Variants in BMAL1 observed in about 807,000 individuals in gnomAD.
BMAL1 encodes the protein basic helix-loop-helix ARNT-like protein 1.
At chr11:13,284,238 A>ATGTG in the BMAL1 span, among the ~76,000 whole-genome samples, 1 of 1,614 alleles carries the variant, frequency 6.2e-4, no homozygotes, top group African/African-American at 7.8e-4. Context: ...GTGTGTGTAT[A>ATGTG]TATATATATA....
the BMAL1 span, among the ~76,000 whole-genome samples, chr11:13,328,187 C>T: frequency 1.3e-5 from 2 of 151,960 alleles, no homozygotes; most frequent in Non-Finnish European, 2.9e-5. Flanking sequence ...TTTTTTGGCC[C>T]AAAACATCAG....
At chr11:13,292,373 CTCTACTAAA>C in the BMAL1 span, among the ~76,000 whole-genome samples, 26 of 151,570 alleles carry the variant, frequency 1.7e-4, 1 homozygote, top group African/African-American at 6.1e-4. Context: ...GAAACCCCGT[CTCTACTAAA>C]AATACAAAAA....
chr11:13,299,032 G>A, the BMAL1 span, among the ~76,000 whole-genome samples: 1 of 152,184 alleles, frequency 6.6e-6, no homozygotes, highest in African/African-American at 2.4e-5. Context: ...GCTTGCTGCT[G>A]GTGGCTGTGG....
the BMAL1 span, among the ~76,000 whole-genome samples, chr11:13,370,488 A>T: frequency 1.1e-4 from 16 of 152,308 alleles, no homozygotes; most frequent in African/African-American, 3.8e-4. Flanking sequence ...TCCAGCATAA[A>T]TGGCACTGCC....
chr11:13,359,809 T>C, the BMAL1 span, among the ~76,000 whole-genome samples: 9 of 152,356 alleles, frequency 5.9e-5, no homozygotes, highest in East Asian at 1.7e-3. Flanking sequence ...CTGCATTGAC[T>C]GAAGCAATGC....
chr11:13,311,131 A>G, the BMAL1 span, among the ~76,000 whole-genome samples: 2 of 152,254 alleles, frequency 1.3e-5, no homozygotes, highest in Non-Finnish European at 2.9e-5. Flanking sequence ...TAGCTGATGC[A>G]TCTGGTTTTA....
the BMAL1 span, among the ~76,000 whole-genome samples, chr11:13,348,817 G>A: frequency 1.7e-3 from 261 of 152,330 alleles, no homozygotes; most frequent in Non-Finnish European, 2.8e-3. Flanking sequence ...TTGGGAGGCT[G>A]GAAGCAGTTG....
the BMAL1 span, among the ~76,000 whole-genome samples, chr11:13,304,365 A>T: frequency 6.6e-6 from 1 of 152,208 alleles, no homozygotes; most frequent in Non-Finnish European, 1.5e-5. Flanking sequence ...GTGGGGCATG[A>T]GAGAAAGAAA....
At chr11:13,285,743 C>T in the BMAL1 span, among the ~76,000 whole-genome samples, 4 of 152,110 alleles carry the variant, frequency 2.6e-5, no homozygotes, top group East Asian at 7.7e-4. Flanking sequence ...GTTAGGAAGG[C>T]CTTGTAAATA....
chr11:13,325,428 C>G, the BMAL1 span, among the ~76,000 whole-genome samples: 599 of 152,274 alleles, frequency 3.9e-3, 1 homozygote, highest in Non-Finnish European at 6.1e-3. Flanking sequence ...CTGACAAATG[C>G]TGCTTTTTTT....
chr11:13,289,595 A>G, the BMAL1 span, among the ~76,000 whole-genome samples: 108 of 152,106 alleles, frequency 7.1e-4, no homozygotes, highest in South Asian at 0.019. Context: ...AAGTGTTCTC[A>G]TTGTTCAGTT....
the BMAL1 span, among the ~76,000 whole-genome samples, chr11:13,312,480 A>G: frequency 6.6e-6 from 1 of 152,296 alleles, no homozygotes; most frequent in Admixed American, 6.5e-5. Flanking sequence ...AAGTGTGGGA[A>G]GTCTGGAAGA....
chr11:13,360,648 A>G, the BMAL1 span, among the ~76,000 whole-genome samples: 1 of 152,194 alleles, frequency 6.6e-6, no homozygotes, highest in Admixed American at 6.5e-5. Context: ...TGGAAGGTCT[A>G]TGCCACCGCA....
At chr11:13,340,431 G>A in the BMAL1 span, among the ~76,000 whole-genome samples, 1 of 152,184 alleles carries the variant, frequency 6.6e-6, no homozygotes, top group Non-Finnish European at 1.5e-5. Flanking sequence ...ATATCCCACT[G>A]ACCTTTCTCA....
the BMAL1 span, among the ~76,000 whole-genome samples, chr11:13,320,690 T>A: frequency 6.6e-6 from 1 of 152,202 alleles, no homozygotes; most frequent in African/African-American, 2.4e-5. Flanking sequence ...AGAAAGTTCG[T>A]TGGGGATGCT....
At chr11:13,292,157 G>A in the BMAL1 span, among the ~76,000 whole-genome samples, 1 of 152,132 alleles carries the variant, frequency 6.6e-6, no homozygotes, top group East Asian at 1.9e-4. Context: ...TGTGACCTAA[G>A]CATAAATTGT....
the BMAL1 span, among the ~76,000 whole-genome samples, chr11:13,297,627 G>A: frequency 1.5e-4 from 23 of 152,182 alleles, no homozygotes; most frequent in African/African-American, 5.3e-4. Context: ...CCCAGGGGAG[G>A]CTCTGGGCAT....
chr11:13,323,531 T>C, the BMAL1 span, among the ~76,000 whole-genome samples: 3 of 152,228 alleles, frequency 2.0e-5, no homozygotes, highest in African/African-American at 7.2e-5. Context: ...AGGCCTAAAA[T>C]GTGGGCATCA....
chr11:13,378,293 T>C, the BMAL1 span: 1 of 1,537,238 alleles, frequency 6.5e-7, no homozygotes, highest in African/African-American at 1.4e-5. Context: ...TAGTATTTCT[T>C]CCTCAGTTTT....
Sources: gnomAD v4.1 joint callset for allele counts (sites outside exome capture counted in the v4.1 genomes callset) on GRCh38, gnomAD v4.1.1 for gene constraint, MANE v1.5 for transcripts, NCBI Gene and HGNC (gene_info 2026-07-23, HGNC 2026-07-21) for gene names.